KCNT2: variants seen among roughly 807,000 people sequenced by gnomAD.
The protein encoded by KCNT2 is potassium sodium-activated channel subfamily T member 2, also known as potassium channel subfamily T member 2.
Under a neutral mutation model 153.8 loss-of-function variants are expected in KCNT2, and 67 were observed. The ratio of observed to expected loss-of-function variants is 0.44; its 90% CI spans 0.36 to 0.53. The LOEUF is 0.53. Ranked by LOEUF, KCNT2 falls within the 20% of genes least tolerant of loss-of-function variation. The probability of loss-of-function intolerance (pLI) is 0.00; values close to 1 mark genes in which losing one functional copy is unlikely to be tolerated. For synonymous variants in KCNT2, 500 were observed against 458.8 expected (o/e 1.09, Z -1.15); for missense variants, 975 against 1,354.8 (o/e 0.72, Z 4.40).
chr1:196,560,427 T>C (rs1263058713), intron 1 of KCNT2, among the ~76,000 whole-genome samples: 5 of 151,974 alleles, frequency 3.3e-5, no homozygotes. Context: ...TTTTTCTTAA[T>C]TTACTTTTTA....
intron 18 of KCNT2, among the ~76,000 whole-genome samples, chr1:196,327,664 TGA>T (rs1190554447): frequency 2.0e-5 from 3 of 146,796 alleles, no homozygotes; most frequent in African/African-American, 7.9e-5. Flanking sequence ...TGGAATATTC[TGA>T]TCTTTTTTTT....
Position 196,228,244 on chromosome 1 carries a change from G to T in KCNT2, c.3388C>A (p.Arg1130=). ...TTTTATCAAAGTTGAGTTTCCTCCC[G>T]AGAATCTTGACCAGTGACATTGCAG... ...SICNVTGQDS[R]EETQL is the part of the protein sequence containing the mutation. The change falls in exon 28 of 28, where the codon CGG becomes AGG. Residue 1130 remains arginine, a synonymous_variant. Coordinates refer to ENST00000294725, the MANE Select transcript of KCNT2 (RefSeq NM_198503.5). 1 of 1,606,374 alleles carries T rather than the reference G, an allele frequency of 6.2e-7. No homozygotes were observed. The highest frequency in any genetic ancestry group is 8.5e-7 in the Non-Finnish European group (1 of 1,174,408).
chr1:196,380,696 A>C (rs1669403846), intron 13 of KCNT2, among the ~76,000 whole-genome samples: 1 of 152,238 alleles, frequency 6.6e-6, no homozygotes, highest in African/African-American at 2.4e-5. Flanking sequence ...GAAAAAGTTT[A>C]TTAAATAGAA....
chr1:196,398,685 A>C lies in KCNT2; in HGVS notation c.1186-14T>G, dbSNP rs1332484925. ...TGTTTGGTGATCCTGAAGTGATCAA[A>C]ATAAAAACATCATAGCATAAGTTAC... is the stretch of plus-strand genomic sequence containing the variant. On this transcript the variant is annotated splice_polypyrimidine_tract_variant and intron_variant, in intron 12 of 27. Transcript: ENST00000294725. 1 of 1,304,882 alleles carries C rather than the reference A, an allele frequency of 7.7e-7. No homozygotes were observed. Among genetic ancestry groups the C allele is most frequent in the Non-Finnish European group, 1.1e-6 (1 of 909,030 alleles). 80.8% of individuals were successfully genotyped at this position (1,304,882 alleles called of 1,614,324 possible). A position where few individuals can be genotyped will look rare whatever the true frequency, so the allele number is the denominator to read the frequency against.
At chr1:196,321,198 T>C (rs1474988962) in intron 19 of KCNT2, among the ~76,000 whole-genome samples, 2 of 151,832 alleles carry the variant, frequency 1.3e-5, no homozygotes, top group African/African-American at 2.4e-5. Context: ...TTCTTAAAAT[T>C]AGCAGGGCTA....
chr1:196,540,279 G>A (rs536628786), intron 1 of KCNT2, among the ~76,000 whole-genome samples: 8 of 152,144 alleles, frequency 5.3e-5, no homozygotes, highest in South Asian at 2.1e-4. Flanking sequence ...CAAATGTTCC[G>A]AAAATCCAAG....
rs532996066 is a variant in KCNT2 at position 196,473,396 on chromosome 1, T to C, written c.385-4328A>G. On this transcript the variant is annotated intron_variant, in intron 5 of 27. Coordinates refer to ENST00000294725, the MANE Select transcript of KCNT2 (RefSeq NM_198503.5). ...AGATCAGGACCAGTGTATTTCAGGA[T>C]TGCATGCTCTACTCCTAGCGCAGTG... Among the ~76,000 whole-genome samples the C allele has an allele frequency of 1.9e-3, 285 of 152,322 alleles. 2 individuals are homozygous for C. The highest frequency in any genetic ancestry group is 6.5e-3 in the African/African-American group (271 of 41,572).
rs375310358 is a variant in KCNT2, at chr1:196,297,126, CTT to C, written c.2595+8106_2595+8107del. On this transcript the variant is annotated intron_variant, in intron 22 of 27. Transcript: ENST00000294725. ...ATGCAATCTCTCTCTCTTTCTCTCT[CTT>C]TCTGTAGATGTGTGTGTGTGTGTGT... is the stretch of plus-strand genomic sequence containing the variant. 1.2e-3 allele frequency among the ~76,000 whole-genome samples: 180 copies of C among 151,650 alleles called. 1 individual carries two copies. Among genetic ancestry groups the C allele is most frequent in the African/African-American group, 4.2e-3 (174 of 41,420 alleles).
Position 196,370,243 on chromosome 1 carries a change from A to G in KCNT2, c.1403+2897T>C, listed in dbSNP as rs1668406371. On this transcript the variant is annotated intron_variant, in intron 14 of 27. Coordinates refer to ENST00000294725, the MANE Select transcript of KCNT2 (RefSeq NM_198503.5). The stretch of plus-strand genomic sequence containing the variant: ...AATTTAATCAACAATAAGACATACC[A>G]CTGCCAAGAGCACAGAACACTCAAA... 2.6e-5 allele frequency among the ~76,000 whole-genome samples: 4 copies of G among 152,228 alleles called. No individual in the cohort carries two copies. The Middle Eastern group carries it at 0.01, about 388-fold the overall frequency.
chr1:196,419,754 C>T (rs1673048246), intron 12 of KCNT2, among the ~76,000 whole-genome samples: 1 of 152,024 alleles, frequency 6.6e-6, no homozygotes, highest in South Asian at 2.1e-4. Context: ...TGAAGACATT[C>T]CAATTTTCCA....
chr1:196,294,517 A>T (rs61659147), intron 22 of KCNT2, among the ~76,000 whole-genome samples: 1 of 151,562 alleles, frequency 6.6e-6, no homozygotes, highest in African/African-American at 2.4e-5. Flanking sequence ...CTCATGATCC[A>T]CCCGCCTTGG....
At chr1:196,477,750 T>A (rs1449350479) in intron 5 of KCNT2, among the ~76,000 whole-genome samples, 3 of 152,186 alleles carry the variant, frequency 2.0e-5, no homozygotes, top group African/African-American at 7.2e-5. Flanking sequence ...TTCTAACTTC[T>A]CTGTCTTCCC....
At chr1:196,395,241 A>G (rs1201264678) in intron 13 of KCNT2, among the ~76,000 whole-genome samples, 2 of 151,556 alleles carry the variant, frequency 1.3e-5, no homozygotes, top group African/African-American at 2.4e-5. Context: ...ACTATCCTGA[A>G]TGAGTTTCGT....
intron 14 of KCNT2, among the ~76,000 whole-genome samples, chr1:196,346,163 G>A (rs1666128564): frequency 1.3e-5 from 2 of 152,152 alleles, no homozygotes; most frequent in South Asian, 2.1e-4. Flanking sequence ...ACTCCTCCAT[G>A]ATTGGTACCA....
At chr1:196,397,015 A>C (rs754025175) in intron 13 of KCNT2, among the ~76,000 whole-genome samples, 2 of 151,562 alleles carry the variant, frequency 1.3e-5, no homozygotes, top group African/African-American at 2.4e-5. Context: ...ATATCCATTC[A>C]TAGAACACTT....
intron 5 of KCNT2, among the ~76,000 whole-genome samples, chr1:196,470,220 G>A (rs1034762546): frequency 1.3e-5 from 2 of 152,118 alleles, no homozygotes; most frequent in Non-Finnish European, 2.9e-5. Flanking sequence ...CAAGTTAAGT[G>A]AAAAGGGCTC....
intron 21 of KCNT2, among the ~76,000 whole-genome samples, chr1:196,309,063 T>A (rs1661910892): frequency 6.6e-6 from 1 of 151,914 alleles, no homozygotes; most frequent in South Asian, 2.1e-4. Flanking sequence ...TGTATTTTTC[T>A]AGGGGTGATA....
At chr1:196,319,098 A>G (rs1048400044) in intron 20 of KCNT2, among the ~76,000 whole-genome samples, 6 of 151,824 alleles carry the variant, frequency 4.0e-5, no homozygotes, top group Non-Finnish European at 8.8e-5. Context: ...CTAAGTTAAA[A>G]TGAGCATTTC....
chr1:196,432,875 T>A (rs1280529472), intron 8 of KCNT2, among the ~76,000 whole-genome samples: 2 of 152,230 alleles, frequency 1.3e-5, no homozygotes, highest in East Asian at 3.9e-4. Context: ...ATTTTGTATG[T>A]GAGCAGGACA....
Sources: gnomAD v4.1 joint callset for allele counts (sites outside exome capture counted in the v4.1 genomes callset) on GRCh38, gnomAD v4.1.1 for gene constraint, MANE v1.5 for transcripts, NCBI Gene and HGNC (gene_info 2026-07-23, HGNC 2026-07-21) for gene names.